The following RASA2 variants were observed in gnomAD, a reference collection of about 807,000 sequenced individuals.
RASA2 encodes the protein ras GTPase-activating protein 2.
RASA2 carries 155 observed loss-of-function variants against 118.2 expected under a neutral mutation model. The observed-to-expected ratio is 1.31, with a 90% CI of 1.15 to 1.50. RASA2 has a LOEUF of 1.50. Ranked by LOEUF, RASA2 falls within the 40% of genes most tolerant of loss-of-function variation. The probability of loss-of-function intolerance (pLI) is 0.00; values close to 1 mark genes in which losing one functional copy is unlikely to be tolerated. For synonymous variants in RASA2, 353 were observed against 349.1 expected (o/e 1.01, Z -0.12); for missense variants, 1,016 against 1,009.6 (o/e 1.01, Z -0.09).
At chr3:141,566,225 T>A (rs1446289229) in intron 9 of RASA2, among the ~76,000 whole-genome samples, 1 of 152,236 alleles carries the variant, frequency 6.6e-6, no homozygotes, top group African/African-American at 2.4e-5. Context: ...GCCGTGATCA[T>A]CAGTGGCTGC....
intron 23 of RASA2, among the ~76,000 whole-genome samples, chr3:141,610,665 A>C (rs993787018): frequency 6.7e-6 from 1 of 150,308 alleles, no homozygotes; most frequent in African/African-American, 2.5e-5. Context: ...TATTTGTTTT[A>C]TTTTTTGTAA....
chr3:141,491,150 G>A (rs1195997808), intron 1 of RASA2, among the ~76,000 whole-genome samples: 1 of 152,152 alleles, frequency 6.6e-6, no homozygotes, highest in Non-Finnish European at 1.5e-5. Flanking sequence ...CTTACCTTCC[G>A]CATCTTTTAA....
intron 9 of RASA2, among the ~76,000 whole-genome samples, chr3:141,566,324 C>G (rs1018176969): frequency 9.9e-5 from 15 of 152,130 alleles, no homozygotes; most frequent in African/African-American, 3.6e-4. Context: ...GCCAGAACAT[C>G]AAATCTGAAT....
Position 141,609,406 on chromosome 3 carries a change from T to A in RASA2, c.2226-14T>A, listed in dbSNP as rs750013592. 9.0e-6 allele frequency: 13 copies of A among 1,445,658 alleles called. No individual in the cohort carries two copies. The highest frequency in any genetic ancestry group is 8.4e-6 in the Non-Finnish European group (9 of 1,072,958). The allele number at this position is 1,445,658 out of a possible 1,614,324, so 89.6% of individuals were successfully genotyped here. On this transcript the variant is annotated splice_polypyrimidine_tract_variant and intron_variant, in intron 21 of 23. Transcript: ENST00000286364. ...AATTTGTATAATATCTTTATTTTTT[T>A]ATTTTTACCATAGAGGTGTCCCTGC...
chr3:141,529,760 T>G lies in RASA2; in HGVS notation c.408T>G (p.Thr136=). 1 of 1,612,302 alleles carries G rather than the reference T, an allele frequency of 6.2e-7. No homozygotes were observed. Among genetic ancestry groups the G allele is most frequent in the Non-Finnish European group, 8.5e-7 (1 of 1,178,750 alleles). Reference sequence around the variant, plus strand: ...TGTGTAATCACAGTGGCAAAGAAACTTGGTTTTCATTACAGCCTGTTGACT... The same window carrying G: ...TGTGTAATCACAGTGGCAAAGAAACGTGGTTTTCATTACAGCCTGTTGACT... The part of the protein sequence containing the change: ...EDLCNHSGKE[T]WFSLQPVDSN... Residue 136 remains threonine, a synonymous_variant, in exon 4 of 24, where the codon ACT becomes ACG. Transcript: ENST00000286364.
At position 141,559,003 on chromosome 3, in the gene RASA2, C is replaced by T. The variant is rs746090375; in HGVS notation, c.761+41C>T. 4.7e-6 allele frequency: 7 copies of T among 1,487,630 alleles called. No individual in the cohort carries two copies. In the South Asian group the frequency reaches 8.6e-5, roughly 18 times the overall value. The allele number at this position is 1,487,630 out of a possible 1,614,324, so 92.2% of individuals were successfully genotyped here. On this transcript the variant is annotated intron_variant, in intron 8 of 23. Transcript: ENST00000286364. ...TTTTACAGAATTGCTTTTTTGTATA[C>T]CAAAAGAAAATCCTAGATTCAACCA...
At chr3:141,609,854 A>T in intron 22 of RASA2, 23 bp from the exon 23 acceptor site, 2 of 1,515,718 alleles carry the variant, frequency 1.3e-6, no homozygotes, top group Non-Finnish European at 1.8e-6. Flanking sequence ...CTGATCAGAG[A>T]TTTATTTTCC....
chr3:141,604,088 G>A lies in RASA2; in HGVS notation c.1934-3590G>A, dbSNP rs561758967. Reference sequence around the variant, plus strand: ...GTGTGGATGTGTCTTCAGCTCTCATGGTATATACGTAGGAGTGTAATCAGT... The same window carrying A: ...GTGTGGATGTGTCTTCAGCTCTCATAGTATATACGTAGGAGTGTAATCAGT... On this transcript the variant is annotated intron_variant, in intron 19 of 23. Coordinates refer to ENST00000286364, the MANE Select transcript of RASA2 (RefSeq NM_006506.5). Among the ~76,000 whole-genome samples, 12 of 152,224 alleles carry A rather than the reference G, an allele frequency of 7.9e-5. No individual in the cohort carries two copies. In the South Asian group the frequency reaches 1.7e-3, roughly 21 times the overall value.
At chr3:141,551,070 A>G (rs2082567732) in intron 5 of RASA2, among the ~76,000 whole-genome samples, 1 of 151,492 alleles carries the variant, frequency 6.6e-6, no homozygotes, top group Admixed American at 6.6e-5. Context: ...GTTTCTATTG[A>G]TTTTTCTTTT....
chr3:141,576,478 A>G lies in RASA2; in HGVS notation c.1484-522A>G, dbSNP rs79786633. ...TTGTAGGTGAATGATCAAAGCCACC[A>G]GTAGTCTTCAGTTCATCTGCATTTT... On this transcript the variant is annotated intron_variant, in intron 14 of 23. Coordinates refer to ENST00000286364, the MANE Select transcript of RASA2 (RefSeq NM_006506.5). Among the ~76,000 whole-genome samples the G allele has an allele frequency of 4.0e-3, 602 of 152,348 alleles. 2 individuals are homozygous for G. Among genetic ancestry groups the G allele is most frequent in the African/African-American group, 8.8e-3 (368 of 41,586 alleles).
chr3:141,511,825 T>C (rs991159617), intron 1 of RASA2, among the ~76,000 whole-genome samples: 3 of 152,158 alleles, frequency 2.0e-5, no homozygotes, highest in African/African-American at 7.2e-5. Context: ...GGAAAATTAA[T>C]GGTGATTTGG....
chr3:141,532,678 G>C (rs1478752256), intron 4 of RASA2, among the ~76,000 whole-genome samples: 2 of 152,106 alleles, frequency 1.3e-5, no homozygotes, highest in African/African-American at 4.8e-5. Context: ...TGGTTTGTTT[G>C]TTTTTGGTTG....
At chr3:141,503,511 G>A (rs1047097239) in intron 1 of RASA2, among the ~76,000 whole-genome samples, 2 of 152,012 alleles carry the variant, frequency 1.3e-5, no homozygotes, top group Non-Finnish European at 1.5e-5. Flanking sequence ...TATCTTTCGC[G>A]CTTTAAACTA....
intron 17 of RASA2, among the ~76,000 whole-genome samples, chr3:141,584,224 G>A (rs1319864049): frequency 1.3e-5 from 2 of 151,188 alleles, no homozygotes; most frequent in South Asian, 2.1e-4. Context: ...CCAGTTACTC[G>A]GGAGGCTGAG....
intron 14 of RASA2, among the ~76,000 whole-genome samples, chr3:141,575,839 G>T (rs2083002192): frequency 6.6e-6 from 1 of 152,178 alleles, no homozygotes; most frequent in Admixed American, 6.5e-5. Context: ...TTGTTGCCCA[G>T]ACTGGAGTGC....
rs1206215541 is a variant in RASA2 at position 141,498,168 on chromosome 3, T to A, written c.133+10952T>A. ...TGTGTTAGGATACTTTGCAAAATAT[T>A]TCATGTAATCCAATTTCATGAAGAA... On this transcript the variant is annotated intron_variant, in intron 1 of 23. Coordinates refer to ENST00000286364, the MANE Select transcript of RASA2 (RefSeq NM_006506.5). 3.3e-5 allele frequency among the ~76,000 whole-genome samples: 5 copies of A among 152,184 alleles called. No individual in the cohort carries two copies. The East Asian group carries it at 9.6e-4, about 29-fold the overall frequency.
chr3:141,596,256 A>G (rs1029516032), intron 19 of RASA2, among the ~76,000 whole-genome samples: 1 of 152,236 alleles, frequency 6.6e-6, no homozygotes, highest in African/African-American at 2.4e-5. Context: ...AATACTTCTA[A>G]GTAACCTATA....
intron 1 of RASA2, among the ~76,000 whole-genome samples, chr3:141,501,816 A>G (rs544975398): frequency 1.8e-4 from 28 of 152,230 alleles, no homozygotes; most frequent in African/African-American, 5.5e-4. Flanking sequence ...ACCAGAGACT[A>G]TATCATATTT....
intron 1 of RASA2, among the ~76,000 whole-genome samples, chr3:141,511,305 G>A (rs966425056): frequency 6.6e-6 from 1 of 152,122 alleles, no homozygotes; most frequent in South Asian, 2.1e-4. Flanking sequence ...GTTGAGGAGA[G>A]GTTAGACCTG....
Sources: gnomAD v4.1 joint callset for allele counts (sites outside exome capture counted in the v4.1 genomes callset) on GRCh38, gnomAD v4.1.1 for gene constraint, MANE v1.5 for transcripts, NCBI Gene and HGNC (gene_info 2026-07-23, HGNC 2026-07-21) for gene names.